FSD1L: variants seen among roughly 807,000 people sequenced by gnomAD.
FSD1L encodes the protein fibronectin type III and SPRY domain containing 1 like, also known as FSD1-like protein.
FSD1L carries 45 observed loss-of-function variants against 71.6 expected under a neutral mutation model. That is an observed-to-expected ratio of 0.63 (90% confidence interval 0.49 to 0.81). FSD1L has a LOEUF of 0.81. Ranked by LOEUF, FSD1L falls within the 30% of genes least tolerant of loss-of-function variation. The probability of loss-of-function intolerance (pLI) is 0.00; values close to 1 mark genes in which losing one functional copy is unlikely to be tolerated. For missense variants in FSD1L, 561 were observed against 618.1 expected (o/e 0.91, Z 0.98); for synonymous variants, 197 against 207.2 (o/e 0.95, Z 0.42).
intron 10 of FSD1L, chr9:105,524,991 C>G: frequency 1.3e-6 from 2 of 1,596,412 alleles, no homozygotes; most frequent in Non-Finnish European, 1.7e-6. Context: ...GAGAATATGC[C>G]TGGAGGAGGT....
At chr9:105,513,554 A>G (rs994902413) in intron 10 of FSD1L, 28 of 1,483,460 alleles carry the variant, frequency 1.9e-5, no homozygotes, top group Non-Finnish European at 2.3e-5. Context: ...GTTAAATTTA[A>G]GTTGTAAAAC....
intron 3 of FSD1L, 48 bp downstream of exon 3, chr9:105,464,379 C>A: frequency 1.2e-6 from 1 of 840,666 alleles, no homozygotes; most frequent in Non-Finnish European, 1.9e-6. Context: ...CACAATGAGC[C>A]AAATCTGAAG....
At chr9:105,509,936 A>G (rs967888200) in intron 9 of FSD1L, among the ~76,000 whole-genome samples, 2 of 152,208 alleles carry the variant, frequency 1.3e-5, no homozygotes, top group African/African-American at 4.8e-5. Context: ...TTAGCCCATC[A>G]AGTAAAATTC....
intron 10 of FSD1L, among the ~76,000 whole-genome samples, chr9:105,533,741 A>G (rs557817946): frequency 1.6e-4 from 24 of 148,198 alleles, no homozygotes; most frequent in African/African-American, 5.5e-4. Context: ...TTTTTTTTTA[A>G]GACAGAGTTT....
chr9:105,472,208 A>G (rs1473459740), intron 5 of FSD1L: 12 of 543,952 alleles, frequency 2.2e-5, no homozygotes, highest in Middle Eastern at 1.0e-3. Flanking sequence ...ATCAACAAAT[A>G]TGTTTAAAAA....
rs1423548787 is a variant in FSD1L at position 105,549,215 on chromosome 9, GT to G, written c.*2736del. 6.6e-6 allele frequency: 1 copy of G among 151,980 alleles called. No homozygotes were observed. Among genetic ancestry groups the G allele is most frequent in the Admixed American group, 6.6e-5 (1 of 15,244 alleles). 9.4% of individuals were successfully genotyped at this position (151,980 alleles called of 1,614,324 possible). A position where few individuals can be genotyped will look rare whatever the true frequency, so the allele number is the denominator to read the frequency against. ...GATATGTCACAGGTATAAAACAGTT[GT>G]TTTCTAAAAACATGCATTTAGTATG... On this transcript the variant is annotated 3_prime_UTR_variant, in exon 14 of 14. Coordinates refer to ENST00000481272, the MANE Select transcript of FSD1L (RefSeq NM_001145313.3).
chr9:105,516,260 G>A (rs1834713951), intron 10 of FSD1L, among the ~76,000 whole-genome samples: 1 of 152,182 alleles, frequency 6.6e-6, no homozygotes, highest in Admixed American at 6.5e-5. Context: ...AACTGTGGGT[G>A]CAGCTTTAGC....
At chr9:105,466,839 AAG>A (rs1456721881) in intron 3 of FSD1L, among the ~76,000 whole-genome samples, 2 of 152,178 alleles carry the variant, frequency 1.3e-5, no homozygotes, top group South Asian at 2.1e-4. Context: ...GGTATCTGGA[AAG>A]AGAGATCTTA....
chr9:105,508,371 G>A (rs1056205400), intron 8 of FSD1L, among the ~76,000 whole-genome samples: 2 of 151,602 alleles, frequency 1.3e-5, no homozygotes, highest in African/African-American at 4.9e-5. Flanking sequence ...TAGAGACCGG[G>A]TTTCACCGTG....
In FSD1L at chr9:105,548,932, C is replaced by T. The variant is rs1356012100; in HGVS notation, c.*2449C>T. 1.3e-5 allele frequency: 2 copies of T among 151,912 alleles called. No homozygotes were observed. The highest frequency in any genetic ancestry group is 2.9e-5 in the Non-Finnish European group (2 of 67,910). 9.4% of individuals were successfully genotyped at this position (151,912 alleles called of 1,614,324 possible). A position where few individuals can be genotyped will look rare whatever the true frequency, so the allele number is the denominator to read the frequency against. Reference sequence around the variant, plus strand: ...GTTAAACTGGAGAAAGTTTGTCATCCTCATTTTCAAACTGAAAACTAATCA... The same window carrying T: ...GTTAAACTGGAGAAAGTTTGTCATCTTCATTTTCAAACTGAAAACTAATCA... On this transcript the variant is annotated 3_prime_UTR_variant, in exon 14 of 14. Transcript: ENST00000481272.
At chr9:105,442,960 T>C (rs1829566535), upstream of FSD1L, among the ~76,000 whole-genome samples, 1 of 152,186 alleles carries the variant, frequency 6.6e-6, no homozygotes, top group Non-Finnish European at 1.5e-5. Flanking sequence ...TTCCATACAA[T>C]AGCCCTAAAG....
In FSD1L at chr9:105,508,636, G is replaced by A; in HGVS notation, c.816G>A (p.Lys272=). 1 of 1,550,276 alleles carries A rather than the reference G, an allele frequency of 6.5e-7. No homozygotes were observed. Among genetic ancestry groups the A allele is most frequent in the Non-Finnish European group, 8.7e-7 (1 of 1,145,564 alleles). The change falls in exon 9 of 14, where the codon AAG becomes AAA. Residue 272 remains lysine (K), a synonymous_variant. Coordinates refer to ENST00000481272, the MANE Select transcript of FSD1L (RefSeq NM_001145313.3). ...YTLSGLKFDS[K]YMNFRVRACN... is the part of the protein sequence containing the mutation. ...CTTCAGGCTTAAAATTTGATTCAAA[G>A]TATATGAATTTCAGAGTGCGAGCTT...
intron 2 of FSD1L, among the ~76,000 whole-genome samples, chr9:105,462,097 A>T (rs2131604588): frequency 6.6e-6 from 1 of 152,310 alleles, no homozygotes; most frequent in Non-Finnish European, 1.5e-5. Flanking sequence ...GACCAAAAAA[A>T]TATGTAAATG....
intron 9 of FSD1L, among the ~76,000 whole-genome samples, chr9:105,510,799 T>C (rs923203208): frequency 3.3e-5 from 5 of 152,160 alleles, no homozygotes; most frequent in Non-Finnish European, 7.4e-5. Context: ...CCAACTTTAA[T>C]TGATAGCAGC....
rs1385569974 is a variant in FSD1L at position 105,549,806 on chromosome 9, TTATC to T, written c.*3327_*3330del. On this transcript the variant is annotated 3_prime_UTR_variant, in exon 14 of 14. Coordinates refer to ENST00000481272, the MANE Select transcript of FSD1L (RefSeq NM_001145313.3). Reference sequence around the variant, plus strand: ...TTTCATAACTTATGTAGAATGATTTTTATCTATATACTTTGTCCATAAAATTATA... The same window carrying T: ...TTTCATAACTTATGTAGAATGATTTTTATATACTTTGTCCATAAAATTATA... The T allele has an allele frequency of 6.6e-6, 1 of 152,024 alleles. No homozygotes were observed. The highest frequency in any genetic ancestry group is 1.9e-4 in the East Asian group (1 of 5,202). The allele number at this position is 152,024 out of a possible 1,614,324, so 9.4% of individuals were successfully genotyped here.
Position 105,461,572 on chromosome 9 carries a change from T to TC in FSD1L, c.69dup (p.Ser24LeufsTer2). 6.4e-7 allele frequency: 1 copy of TC among 1,551,882 alleles called. No homozygotes were observed. Among genetic ancestry groups the TC allele is most frequent in the Non-Finnish European group, 8.7e-7 (1 of 1,146,820 alleles). ...ACAGTTGATAAAGCCTGTTTTCTGA[T>TC]CTCTAACATCACTATTGGACCAGAG... On this transcript the variant is annotated frameshift_variant, in exon 2 of 14. Transcript: ENST00000481272. LOFTEE classifies it high-confidence loss of function.
chr9:105,531,635 G>A (rs1471603237), intron 10 of FSD1L, among the ~76,000 whole-genome samples: 2 of 152,192 alleles, frequency 1.3e-5, no homozygotes, highest in Non-Finnish European at 2.9e-5. Flanking sequence ...AATATTTGCT[G>A]TTGAATAACT....
At chr9:105,449,884 G>T (rs895882592) in intron 1 of FSD1L, among the ~76,000 whole-genome samples, 3 of 152,168 alleles carry the variant, frequency 2.0e-5, no homozygotes, top group Non-Finnish European at 4.4e-5. Context: ...GTTACCACGT[G>T]CAGTTTCCTG....
intron 7 of FSD1L, among the ~76,000 whole-genome samples, chr9:105,485,381 C>G (rs927349640): frequency 6.6e-6 from 1 of 152,048 alleles, no homozygotes; most frequent in Non-Finnish European, 1.5e-5. Context: ...AAGAACTAAC[C>G]CAGTCTTTTG....
Sources: allele counts gnomAD v4.1 joint callset (sites outside exome capture counted in the v4.1 genomes callset), GRCh38; gene constraint gnomAD v4.1.1; transcripts MANE v1.5; gene names NCBI Gene and HGNC (gene_info 2026-07-23, HGNC 2026-07-21).